The following DSC3 variants were observed in gnomAD, a reference collection of about 807,000 sequenced individuals.
The protein encoded by DSC3 is desmocollin-3.
A neutral mutation model predicts 89.5 loss-of-function variants in DSC3; 97 were observed. The observed-to-expected ratio is 1.08, with a 90% CI of 0.92 to 1.28. The LOEUF (loss-of-function observed/expected upper bound fraction) is 1.28. Among genes scored for constraint, DSC3 ranks in the 50% most tolerant of loss-of-function variants. The probability of loss-of-function intolerance (pLI) is 0.00; values close to 1 mark genes in which losing one functional copy is unlikely to be tolerated. For missense variants in DSC3, 1,199 were observed against 1,085.3 expected, an observed-to-expected ratio of 1.10 and a Z score of -1.47; for synonymous variants, 436 against 384.1, an observed-to-expected ratio of 1.14 and a Z score of -1.58.
chr18:31,022,700 G>A (rs928464232), intron 6 of DSC3, among the ~76,000 whole-genome samples, 198 bp from the exon 7 acceptor site: 2 of 152,148 alleles, frequency 1.3e-5, no homozygotes, highest in Non-Finnish European at 2.9e-5. Context: ...CTTTGATGCT[G>A]AAAATTAAGG....
At chr18:31,034,709 G>A (rs556262739) in intron 1 of DSC3, among the ~76,000 whole-genome samples, 3 of 152,082 alleles carry the variant, frequency 2.0e-5, no homozygotes, top group East Asian at 1.9e-4. Flanking sequence ...AAACATACTC[G>A]GTGAAAGAAA....
At chr18:31,034,647 T>C (rs1256746966) in intron 1 of DSC3, among the ~76,000 whole-genome samples, 1 of 152,188 alleles carries the variant, frequency 6.6e-6, no homozygotes, top group African/African-American at 2.4e-5. Flanking sequence ...TATTCAGCTC[T>C]AAAAAGTACT....
chr18:31,033,726 G>C (rs1985877716), intron 1 of DSC3, among the ~76,000 whole-genome samples: 1 of 152,294 alleles, frequency 6.6e-6, no homozygotes, highest in East Asian at 1.9e-4. Context: ...ATAAAGAAAA[G>C]TTCTTAAATA....
At chr18:31,023,241 A>C in intron 6 of DSC3, among the ~76,000 whole-genome samples, 1 of 152,214 alleles carries the variant, frequency 6.6e-6, no homozygotes, top group East Asian at 1.9e-4. Flanking sequence ...GTAATGTCAT[A>C]GAATTGTGAG....
At chr18:31,023,146 AAGAAAG>A (rs1985481558) in intron 6 of DSC3, among the ~76,000 whole-genome samples, 1 of 152,172 alleles carries the variant, frequency 6.6e-6, no homozygotes, top group Non-Finnish European at 1.5e-5. Flanking sequence ...CAGACTCCTC[AAGAAAG>A]CCTGAAACTA....
intron 9 of DSC3, among the ~76,000 whole-genome samples, chr18:31,014,989 G>T (rs979325995): frequency 6.6e-6 from 1 of 151,902 alleles, no homozygotes; most frequent in Non-Finnish European, 1.5e-5. Flanking sequence ...GTCATATAGG[G>T]GATATGAAAA....
At chr18:30,997,458 C>T (rs1304760517) in intron 14 of DSC3, among the ~76,000 whole-genome samples, 1 of 152,006 alleles carries the variant, frequency 6.6e-6, no homozygotes, top group Admixed American at 6.6e-5. Context: ...GATAATAAAC[C>T]CATTCTCATG....
chr18:30,996,696 C>A, intron 15 of DSC3, 95 bp downstream of exon 15: 1 of 1,497,330 alleles, frequency 6.7e-7, no homozygotes, highest in South Asian at 1.2e-5. Flanking sequence ...AGAGAGCCCA[C>A]AGAAAAATAC....
chr18:31,007,218 T>C, intron 11 of DSC3, 87 bp from the exon 12 acceptor site: 2 of 885,764 alleles, frequency 2.3e-6, no homozygotes, highest in South Asian at 1.5e-5. Context: ...ATTCTATACA[T>C]GATCTGTTTT....
At chr18:31,001,800 C>T in intron 13 of DSC3, 61 bp from the exon 14 acceptor site, 1 of 1,321,364 alleles carries the variant, frequency 7.6e-7, no homozygotes, top group South Asian at 1.5e-5. Flanking sequence ...AAATAATCAT[C>T]ATTTATTTCT....
intron 9 of DSC3, among the ~76,000 whole-genome samples, chr18:31,017,667 G>A (rs1985280205): frequency 6.6e-6 from 1 of 152,140 alleles, no homozygotes; most frequent in African/African-American, 2.4e-5. Flanking sequence ...CTTACAGAAA[G>A]TAAGTCTCAA....
chr18:31,005,225 C>A (rs1984798715), intron 12 of DSC3, among the ~76,000 whole-genome samples: 1 of 152,130 alleles, frequency 6.6e-6, no homozygotes, highest in African/African-American at 2.4e-5. Flanking sequence ...TACTTAGGAC[C>A]CTTCAAGACC....
intron 14 of DSC3, among the ~76,000 whole-genome samples, chr18:30,999,424 A>G (rs1598598461): frequency 1.3e-5 from 2 of 151,630 alleles, no homozygotes; most frequent in East Asian, 1.9e-4. Context: ...AGTTGCCATT[A>G]CAATAAAATT....
intron 9 of DSC3, among the ~76,000 whole-genome samples, chr18:31,010,341 G>A (rs1985016954): frequency 6.6e-6 from 1 of 152,196 alleles, no homozygotes; most frequent in East Asian, 1.9e-4. Flanking sequence ...CACACAGAGA[G>A]TAAGAGCAAC....
rs767297176 is a variant in DSC3 at position 31,001,624 on chromosome 18, A to G, written c.2229T>C (p.Asp743=). Reference sequence around the variant, plus strand: ...TTATTTAAAAATTACTTACCACTCTATCGTCTCCAGGTGCTTCTGTGTTTG... The same window carrying G: ...TTATTTAAAAATTACTTACCACTCTGTCGTCTCCAGGTGCTTCTGTGTTTG... ...IISNTEAPGD[D]RVCSANGFMT... is the part of the protein sequence containing the mutation. The change falls in exon 14 of 16, where the codon GAT becomes GAC. Residue 743 remains aspartate (D), a synonymous_variant. Transcript: ENST00000360428. 4 of 1,609,758 alleles carry G rather than the reference A, an allele frequency of 2.5e-6. No individual in the cohort carries two copies. The highest frequency in any genetic ancestry group is 1.7e-4 in the Middle Eastern group (1 of 6,046).
rs1371194430 is a variant in DSC3 at position 30,996,139 on chromosome 18, T to C, written c.2493+652A>G. ...TACATTCGCATGGTGCTTTGTATAT[T>C]TAAAATATGTCCTGCAATGGTGACT... On this transcript the variant is annotated intron_variant, in intron 15 of 15. Coordinates refer to ENST00000360428, the MANE Select transcript of DSC3 (RefSeq NM_001941.5). Among the ~76,000 whole-genome samples the C allele has an allele frequency of 2.0e-5, 3 of 152,026 alleles. No homozygotes were observed. In the East Asian group the frequency reaches 5.8e-4, roughly 29 times the overall value.
chr18:31,029,444 T>C, intron 4 of DSC3, 65 bp downstream of exon 4: 2 of 1,590,178 alleles, frequency 1.3e-6, no homozygotes, highest in Non-Finnish European at 1.7e-6. Flanking sequence ...TAAAGAGGTA[T>C]TAAATCTCAA....
intron 7 of DSC3, among the ~76,000 whole-genome samples, chr18:31,022,022 G>A (rs1204991402): frequency 2.0e-5 from 3 of 151,856 alleles, no homozygotes; most frequent in Non-Finnish European, 2.9e-5. Context: ...AAAATTAATT[G>A]TCCTACATGA....
chr18:31,018,082 A>G lies in DSC3; in HGVS notation c.1252T>C (p.Ser418Pro), dbSNP rs762197710. 2.5e-6 allele frequency: 4 copies of G among 1,612,358 alleles called. No individual in the cohort carries two copies. The Admixed American group carries it at 6.7e-5, about 27-fold the overall frequency. Residue 418 changes from serine to proline, a missense_variant, in exon 9 of 16, where the codon TCT becomes CCT. By Grantham distance (74) the Ser-to-Pro change is moderately conservative (BLOSUM62 -1). Coordinates refer to ENST00000360428, the MANE Select transcript of DSC3 (RefSeq NM_001941.5). ...TDKETNEGVL[S>P]VVKPLNYEEN... ...ATACATTACTGTACCTTTACAACAGAAAGAACACCTTCATTAGTTTCTTTG... is the reference window on the plus strand; with the variant it reads ...ATACATTACTGTACCTTTACAACAGGAAGAACACCTTCATTAGTTTCTTTG...
Sources: gnomAD v4.1 joint callset for allele counts (sites outside exome capture counted in the v4.1 genomes callset) on GRCh38, gnomAD v4.1.1 for gene constraint, MANE v1.5 for transcripts, NCBI Gene and HGNC (gene_info 2026-07-23, HGNC 2026-07-21) for gene names.